Variants in ZNF600 observed in about 807,000 individuals in gnomAD.
ZNF600 encodes zinc finger protein KR-ZNF1.
In ZNF600, 4 loss-of-function variants were observed where a neutral mutation model predicts 7.3. The ratio of observed to expected loss-of-function variants is 0.55; its 90% CI spans 0.27 to 1.25. ZNF600 has a LOEUF of 1.25. Ranked by LOEUF, ZNF600 falls within the 50% of genes most tolerant of loss-of-function variation. ZNF600 has a pLI of 0.12. For synonymous variants in ZNF600, 290 were observed against 308.9 expected, an observed-to-expected ratio of 0.94 and a Z score of 0.64; for missense variants, 911 against 922.1, an observed-to-expected ratio of 0.99 and a Z score of 0.16.
In ZNF600 at chr19:52,766,935, T is replaced by C. The variant is rs775836116; in HGVS notation, c.1028A>G (p.Tyr343Cys). Residue 343 changes from tyrosine to cysteine, a missense_variant, in exon 4 of 4, where the codon TAC becomes TGC. Transcript: ENST00000648973. ...AGCTTTGTCACATTCATTACACTTG[T>C]AAGGTTTTTCTCCAGTATGAATTGC... 26 of 1,614,070 alleles carry C rather than the reference T, an allele frequency of 1.6e-5. No homozygotes were observed. The East Asian group carries it at 4.9e-4, about 30-fold the overall frequency.
At chr19:52,803,232 G>C in the ZNF600 span, among the ~76,000 whole-genome samples, 56 of 151,918 alleles carry the variant, frequency 3.7e-4, no homozygotes, top group African/African-American at 1.4e-3. Context: ...ACATGCCACT[G>C]TGCCCGGCTA....
chr19:52,797,755 C>G, the ZNF600 span: 1 of 152,176 alleles, frequency 6.6e-6, no homozygotes, highest in Non-Finnish European at 1.5e-5. Context: ...TAGTATTGCT[C>G]AATGATTATA....
chr19:52,817,663 C>A, the ZNF600 span, among the ~76,000 whole-genome samples: 1 of 152,066 alleles, frequency 6.6e-6, no homozygotes, highest in Non-Finnish European at 1.5e-5. Flanking sequence ...AACCCTGCTG[C>A]CCAACAGCAC....
At chr19:52,812,138 T>A in the ZNF600 span, among the ~76,000 whole-genome samples, 80 of 100,082 alleles carry the variant, frequency 8.0e-4, 2 homozygotes, top group East Asian at 0.016. Flanking sequence ...TCCGGGAGGG[T>A]GGTGGGGGGG....
chr19:52,829,664 G>A, the ZNF600 span, among the ~76,000 whole-genome samples: 3 of 151,978 alleles, frequency 2.0e-5, no homozygotes, highest in South Asian at 4.1e-4. Flanking sequence ...TTGAGCCACC[G>A]CACCCGGCCA....
At chr19:52,833,197 G>A in the ZNF600 span, among the ~76,000 whole-genome samples, 1 of 152,204 alleles carries the variant, frequency 6.6e-6, no homozygotes, top group South Asian at 2.1e-4. Context: ...TATTTCATAT[G>A]TAGTTTCTCT....
At chr19:52,815,762 T>C in the ZNF600 span, among the ~76,000 whole-genome samples, 2 of 145,984 alleles carry the variant, frequency 1.4e-5, no homozygotes, top group African/African-American at 2.7e-5. Context: ...GAGGCGGAGC[T>C]TGCAGTGAGC....
At chr19:52,807,422 CAGG>C in the ZNF600 span, among the ~76,000 whole-genome samples, 1 of 152,146 alleles carries the variant, frequency 6.6e-6, no homozygotes, top group Non-Finnish European at 1.5e-5. Flanking sequence ...ATCGAAAGCA[CAGG>C]AGAAGCAAAC....
chr19:52,766,139 T>C, exon 4 of ZNF600: 2 of 1,614,140 alleles, frequency 1.2e-6, no homozygotes, highest in East Asian at 2.2e-5. Context: ...AATGAAGGTA[T>C]GACCTCTGAC....
chr19:52,772,996 G>A (rs188735282), intron 3 of ZNF600, among the ~76,000 whole-genome samples: 1 of 152,306 alleles, frequency 6.6e-6, no homozygotes. Context: ...TTTGTCCAGT[G>A]GATGAACAAG....
intron 1 of ZNF600, among the ~76,000 whole-genome samples, chr19:52,786,370 G>A (rs2062763702): frequency 1.3e-5 from 2 of 152,262 alleles, no homozygotes; most frequent in South Asian, 4.1e-4. Flanking sequence ...GGGGCGCCGC[G>A]CTCCAGGTGC....
At chr19:52,806,228 C>A in the ZNF600 span, among the ~76,000 whole-genome samples, 1 of 151,984 alleles carries the variant, frequency 6.6e-6, no homozygotes, top group African/African-American at 2.4e-5. Flanking sequence ...GAGTTTCACT[C>A]TGTCTCCCAT....
chr19:52,822,963 A>G, the ZNF600 span, among the ~76,000 whole-genome samples: 1 of 152,134 alleles, frequency 6.6e-6, no homozygotes, highest in Non-Finnish European at 1.5e-5. Flanking sequence ...TCCCAAGTAG[A>G]GACGTTAAGG....
At chr19:52,781,535 G>A (rs1410641992) in intron 1 of ZNF600, 71 bp from the exon 2 acceptor site, 1 of 152,136 alleles carries the variant, frequency 6.6e-6, no homozygotes, top group Non-Finnish European at 1.5e-5. Context: ...GGGTAGTTGA[G>A]GCAGGCCGAT....
At chr19:52,815,892 C>G in the ZNF600 span, among the ~76,000 whole-genome samples, 1 of 147,410 alleles carries the variant, frequency 6.8e-6, no homozygotes, top group Middle Eastern at 3.4e-3. Context: ...GTACAACAAA[C>G]TCCAATGACG....
At chr19:52,784,814 G>A (rs908950097) in intron 1 of ZNF600, among the ~76,000 whole-genome samples, 12 of 152,146 alleles carry the variant, frequency 7.9e-5, no homozygotes. Flanking sequence ...CAGCAGCCTG[G>A]AGCTCCTGGG....
At chr19:52,810,496 ATT>A in the ZNF600 span, 2 of 1,586,006 alleles carry the variant, frequency 1.3e-6, no homozygotes, top group Non-Finnish European at 1.7e-6. Context: ...ATGAGTCCCT[ATT>A]TAGAGGAAGG....
At chr19:52,810,095 C>A in the ZNF600 span, 3 of 784,044 alleles carry the variant, frequency 3.8e-6, no homozygotes, top group South Asian at 2.8e-5. Flanking sequence ...CAGGAGCCAC[C>A]GGCAGCCAAG....
chr19:52,781,701 T>C (rs998541223), intron 1 of ZNF600, among the ~76,000 whole-genome samples: 3 of 151,804 alleles, frequency 2.0e-5, no homozygotes, highest in Non-Finnish European at 4.4e-5. Flanking sequence ...AGGCAGAGGT[T>C]GCAGTGATCC....
Sources: gnomAD v4.1 joint callset for allele counts (sites outside exome capture counted in the v4.1 genomes callset) on GRCh38, gnomAD v4.1.1 for gene constraint, MANE v1.5 for transcripts, NCBI Gene and HGNC (gene_info 2026-07-23, HGNC 2026-07-21) for gene names.